Variants in RNF138 observed in about 807,000 individuals in gnomAD.
RNF138 encodes E3 ubiquitin-protein ligase RNF138.
A neutral mutation model predicts 31.0 loss-of-function variants in RNF138; 12 were observed. The observed-to-expected ratio is 0.39, with a 90% CI of 0.25 to 0.63. RNF138 has a LOEUF of 0.63. RNF138 is among the 20% of genes least tolerant of loss of function. The pLI is 0.52. For synonymous variants in RNF138, 105 were observed against 99.5 expected (o/e 1.06, Z -0.33); for missense variants, 192 against 300.1 (o/e 0.64, Z 2.66).
At chr18:32,124,579 T>C in intron 5 of RNF138, 155 bp from the exon 6 acceptor site, 1 of 580,130 alleles carries the variant, frequency 1.7e-6, no homozygotes, top group Non-Finnish European at 3.1e-6. Flanking sequence ...TAATGCATCA[T>C]TTCCTGAATA....
At chr18:32,107,265 T>TG (rs2040048929) in intron 2 of RNF138, among the ~76,000 whole-genome samples, 1 of 146,976 alleles carries the variant, frequency 6.8e-6, no homozygotes, top group African/African-American at 2.5e-5. Flanking sequence ...GGACTACAGG[T>TG]GCACGCTGCC....
chr18:32,093,811 G>T (rs905638939), intron 2 of RNF138, among the ~76,000 whole-genome samples: 1 of 152,194 alleles, frequency 6.6e-6, no homozygotes, highest in African/African-American at 2.4e-5. Context: ...TTGTTGAGAA[G>T]GTGTATAGCC....
At chr18:32,122,685 A>G (rs1019212364) in intron 4 of RNF138, among the ~76,000 whole-genome samples, 7 of 152,094 alleles carry the variant, frequency 4.6e-5, no homozygotes, top group Non-Finnish European at 1.0e-4. Flanking sequence ...TTAGCCGGTC[A>G]TGGTGGCTCA....
At chr18:32,094,346 CTACTT>C (rs1396568075) in intron 2 of RNF138, among the ~76,000 whole-genome samples, 4 of 152,026 alleles carry the variant, frequency 2.6e-5, no homozygotes, top group South Asian at 2.1e-4. Context: ...ACTGCACTGT[CTACTT>C]TATTTCTATT....
intron 2 of RNF138, among the ~76,000 whole-genome samples, chr18:32,107,137 T>TG (rs1555698084): frequency 6.8e-6 from 1 of 147,092 alleles, no homozygotes; most frequent in Admixed American, 6.8e-5. Flanking sequence ...TTTTTTTTTT[T>TG]GGAGACGGAA....
At chr18:32,119,094 TTTTCCCC>T in intron 4 of RNF138, among the ~76,000 whole-genome samples, 1 of 152,104 alleles carries the variant, frequency 6.6e-6, no homozygotes, top group African/African-American at 2.4e-5. Context: ...GTAGGAAAAA[TTTTCCCC>T]ATGTGATAAA....
At chr18:32,128,752 GT>G (rs1412871164) in intron 7 of RNF138, among the ~76,000 whole-genome samples, 1 of 152,050 alleles carries the variant, frequency 6.6e-6, no homozygotes, top group African/African-American at 2.4e-5. Flanking sequence ...GGCTCAAACT[GT>G]CTTCTGCCTC....
intron 2 of RNF138, among the ~76,000 whole-genome samples, chr18:32,093,147 TC>T (rs1037007388): frequency 1.3e-5 from 2 of 151,574 alleles, no homozygotes; most frequent in African/African-American, 4.9e-5. Flanking sequence ...TCTCCCGCTC[TC>T]CCTGGCTTTC....
At chr18:32,098,914 ATTT>A (rs58298513) in intron 2 of RNF138, among the ~76,000 whole-genome samples, 5 of 141,192 alleles carry the variant, frequency 3.5e-5, no homozygotes, top group African/African-American at 1.3e-4. Context: ...ACAACCTTTG[ATTT>A]TTTTTTTTTT....
At position 32,115,557 on chromosome 18, in the gene RNF138, C is replaced by T. The variant is rs562146292; in HGVS notation, c.392+1697C>T. Reference sequence around the variant, plus strand: ...GTCAGGAGTTCAAGACCAGCCTGGCCATCATGGTGAAACCTTGTCTCTACT... The same window carrying T: ...GTCAGGAGTTCAAGACCAGCCTGGCTATCATGGTGAAACCTTGTCTCTACT... On this transcript the variant is annotated intron_variant, in intron 4 of 7. Coordinates refer to ENST00000261593, the MANE Select transcript of RNF138 (RefSeq NM_016271.5). Among the ~76,000 whole-genome samples the T allele has an allele frequency of 2.0e-5, 3 of 152,272 alleles. No homozygotes were observed. The East Asian group carries it at 5.8e-4, about 29-fold the overall frequency.
chr18:32,107,044 A>G (rs529091522), intron 2 of RNF138, among the ~76,000 whole-genome samples: 3 of 147,162 alleles, frequency 2.0e-5, no homozygotes, highest in South Asian at 4.3e-4. Context: ...TCTGTCTCCT[A>G]TGGCTACTGG....
At chr18:32,112,131 G>T (rs796891803) in intron 3 of RNF138, among the ~76,000 whole-genome samples, 9 of 151,410 alleles carry the variant, frequency 5.9e-5, no homozygotes, top group African/African-American at 1.9e-4. Flanking sequence ...AAAAATCACT[G>T]AATTTCATAA....
chr18:32,108,947 C>T (rs1598853441), intron 2 of RNF138, among the ~76,000 whole-genome samples: 1 of 151,960 alleles, frequency 6.6e-6, no homozygotes, highest in Non-Finnish European at 1.5e-5. Context: ...GGATTATAGG[C>T]ATAAGCCACT....
At chr18:32,112,358 C>G (rs16962698) in intron 3 of RNF138, among the ~76,000 whole-genome samples, 518 of 152,290 alleles carry the variant, frequency 3.4e-3, no homozygotes, top group African/African-American at 0.012. Flanking sequence ...TCTCTAGCTC[C>G]TCACTTTACT....
intron 2 of RNF138, among the ~76,000 whole-genome samples, chr18:32,095,026 T>C (rs754560756): frequency 1.3e-5 from 2 of 152,192 alleles, no homozygotes; most frequent in Non-Finnish European, 2.9e-5. Context: ...CAACTTATTG[T>C]ACGTAGACAG....
rs2040359559 is a variant in RNF138 at position 32,124,834 on chromosome 18, A to G, written c.550A>G (p.Ile184Val). ...CTGTAACAGTAATCACCTATTTCAG[A>G]TAGTTCCTGTGGTAAGTACATACGT... Reference protein sequence around the residue: ...DHCNSNHLFQIVPVTCPICVS... With the variant: ...DHCNSNHLFQVVPVTCPICVS... Residue 184 changes from isoleucine to valine, a missense_variant, in exon 6 of 8, where the codon ATA becomes GTA. Physicochemically the swap from Ile to Val is conservative, Grantham distance 29. Coordinates refer to ENST00000261593, the MANE Select transcript of RNF138 (RefSeq NM_016271.5). 3 of 1,531,982 alleles carry G rather than the reference A, an allele frequency of 2.0e-6. No homozygotes were observed. Among genetic ancestry groups the G allele is most frequent in the South Asian group, 1.1e-5 (1 of 89,410 alleles). 94.9% of individuals were successfully genotyped at this position (1,531,982 alleles called of 1,614,324 possible). A position where few individuals can be genotyped will look rare whatever the true frequency, so the allele number is the denominator to read the frequency against.
intron 4 of RNF138, among the ~76,000 whole-genome samples, chr18:32,117,133 C>A (rs1239640038): frequency 6.6e-6 from 1 of 151,888 alleles, no homozygotes; most frequent in African/African-American, 2.4e-5. Context: ...AACTCCTGAC[C>A]TCAGGTGATC....
At position 32,113,817 on chromosome 18, in the gene RNF138, A is replaced by C; in HGVS notation, c.349A>C (p.Ile117Leu). The C allele has an allele frequency of 6.4e-7, 1 of 1,568,340 alleles. No homozygotes were observed. The highest frequency in any genetic ancestry group is 8.6e-7 in the Non-Finnish European group (1 of 1,157,094). Reference sequence around the variant, plus strand: ...TCAGGATGAATATGGTGTTTCTTCTATCATTCCAAACTTTCAGATCTCTCA... The same window carrying C: ...TCAGGATGAATATGGTGTTTCTTCTCTCATTCCAAACTTTCAGATCTCTCA... ...KYQDEYGVSS[I>L]IPNFQISQDS... The change falls in exon 4 of 8, where the codon ATC (isoleucine) becomes CTC (leucine). Residue 117 changes from isoleucine to leucine, a missense_variant. By Grantham distance (5) the Ile-to-Leu change is conservative. Around this residue, in one of 2 missense-constraint regions of RNF138, gnomAD observed 140 missense variants for 251.7 expected, o/e 0.56. Coordinates refer to ENST00000261593, the MANE Select transcript of RNF138 (RefSeq NM_016271.5).
chr18:32,129,166 A>G lies in RNF138; in HGVS notation c.717A>G (p.Glu239=). 1.9e-6 allele frequency: 3 copies of G among 1,612,210 alleles called. No individual in the cohort carries two copies. Among genetic ancestry groups the G allele is most frequent in the Non-Finnish European group, 2.5e-6 (3 of 1,178,718 alleles). ...EETQYQTAVE[E]SFQVNI is the part of the protein sequence containing the mutation. ...CCCAATACCAAACTGCTGTTGAAGA[A>G]TCTTTTCAAGTAAACATCTGAAGGC... The change falls in exon 8 of 8, where the codon GAA becomes GAG. Residue 239 remains glutamate, a synonymous_variant. Transcript: ENST00000261593.
Sources: gnomAD v4.1 joint callset for allele counts (sites outside exome capture counted in the v4.1 genomes callset) on GRCh38, gnomAD v4.1.1 for gene constraint, gnomAD v4.1.1 regional missense constraint, MANE v1.5 for transcripts, NCBI Gene and HGNC (gene_info 2026-07-23, HGNC 2026-07-21) for gene names.